Variants in GLCCI1 observed in about 807,000 individuals in gnomAD.
The protein encoded by GLCCI1 is glucocorticoid induced 1.
Under a neutral mutation model 52.2 loss-of-function variants are expected in GLCCI1, and 24 were observed. The observed-to-expected ratio is 0.46, with a 90% CI of 0.33 to 0.65. The LOEUF is 0.65. GLCCI1 is among the 30% of genes least tolerant of loss of function. GLCCI1 has a pLI of 0.02. For synonymous variants in GLCCI1, 310 were observed against 276.5 expected, an observed-to-expected ratio of 1.12 and a Z score of -1.20; for missense variants, 704 against 701.5, an observed-to-expected ratio of 1.00 and a Z score of -0.04.
chr7:8,054,238 T>C (rs896490904), intron 3 of GLCCI1, among the ~76,000 whole-genome samples: 1 of 152,144 alleles, frequency 6.6e-6, no homozygotes, highest in African/African-American at 2.4e-5. Context: ...TACCTACAAA[T>C]TTTGATTCAT....
chr7:8,065,836 C>G (rs906577520), intron 5 of GLCCI1, among the ~76,000 whole-genome samples: 3 of 152,126 alleles, frequency 2.0e-5, no homozygotes, highest in African/African-American at 7.2e-5. Flanking sequence ...CTATTTTTAT[C>G]AAGGATATTC....
intron 1 of GLCCI1, among the ~76,000 whole-genome samples, chr7:8,002,838 A>T (rs1781074769): frequency 6.7e-6 from 1 of 149,294 alleles, no homozygotes; most frequent in African/African-American, 2.5e-5. Flanking sequence ...TTTGGTGTTC[A>T]GTGTGATTAA....
intron 3 of GLCCI1, among the ~76,000 whole-genome samples, chr7:8,051,470 G>C (rs1782256774): frequency 6.6e-6 from 1 of 152,132 alleles, no homozygotes; most frequent in Non-Finnish European, 1.5e-5. Context: ...AAGAATTTTT[G>C]CCTCTTTTGA....
chr7:8,017,549 CAT>C (rs1357145367), intron 2 of GLCCI1, among the ~76,000 whole-genome samples: 2 of 152,106 alleles, frequency 1.3e-5, no homozygotes, highest in African/African-American at 2.4e-5. Flanking sequence ...GCTTTTCTAA[CAT>C]GTGATGATGC....
At chr7:8,043,516 GA>G (rs1402636903) in intron 3 of GLCCI1, among the ~76,000 whole-genome samples, 2 of 152,170 alleles carry the variant, frequency 1.3e-5, no homozygotes, top group African/African-American at 4.8e-5. Flanking sequence ...CAAAATTGCA[GA>G]AAAGGCAAAT....
intron 5 of GLCCI1, among the ~76,000 whole-genome samples, chr7:8,061,691 G>C (rs1490314658): frequency 2.8e-5 from 3 of 107,300 alleles, no homozygotes; most frequent in South Asian, 5.8e-4. Context: ...TTTTGAGACA[G>C]GGTCTCGTTC....
intron 1 of GLCCI1, among the ~76,000 whole-genome samples, chr7:7,978,638 CA>C (rs1309633386): frequency 1.3e-5 from 2 of 152,022 alleles, no homozygotes; most frequent in African/African-American, 4.8e-5. Context: ...GTTAGGAGAG[CA>C]AAAGTATTAT....
At chr7:7,978,617 TTG>T (rs1345513212) in intron 1 of GLCCI1, among the ~76,000 whole-genome samples, 5 of 152,150 alleles carry the variant, frequency 3.3e-5, no homozygotes. Context: ...ACATTAGAAA[TTG>T]TGTTTATTGT....
chr7:7,987,580 G>A (rs571940055), intron 1 of GLCCI1, among the ~76,000 whole-genome samples: 1 of 151,992 alleles, frequency 6.6e-6, no homozygotes, highest in South Asian at 2.1e-4. Flanking sequence ...ATCCTTTTGA[G>A]TTGACAGTCA....
intron 4 of GLCCI1, among the ~76,000 whole-genome samples, chr7:8,058,611 A>G (rs1247029910): frequency 6.6e-6 from 1 of 152,224 alleles, no homozygotes; most frequent in Non-Finnish European, 1.5e-5. Context: ...GGGAAATAAT[A>G]CTGAGACTTT....
At chr7:7,982,379 T>C (rs1303303759) in intron 1 of GLCCI1, among the ~76,000 whole-genome samples, 2 of 152,198 alleles carry the variant, frequency 1.3e-5, no homozygotes, top group Admixed American at 1.3e-4. Flanking sequence ...ATACTGATTA[T>C]ATAGGGCACT....
In GLCCI1 at chr7:8,051,038, A is replaced by G. The variant is rs139231365; in HGVS notation, c.697-4395A>G. 4.5e-3 allele frequency among the ~76,000 whole-genome samples: 683 copies of G among 152,310 alleles called. 1 individual carries two copies. The highest frequency in any genetic ancestry group is 0.016 in the African/African-American group (661 of 41,558). The stretch of plus-strand genomic sequence containing the variant: ...TTATTGTTAATTGACACAGTCATCA[A>G]ACTGGCCTATAATTACTCTTAATAA... On this transcript the variant is annotated intron_variant, in intron 3 of 7. Transcript: ENST00000223145.
chr7:7,975,973 T>G (rs1393302908), intron 1 of GLCCI1, among the ~76,000 whole-genome samples: 3 of 152,164 alleles, frequency 2.0e-5, no homozygotes, highest in African/African-American at 7.2e-5. Context: ...TTACATATGG[T>G]GCTAAACTGA....
At chr7:8,031,722 T>A (rs933690208) in intron 3 of GLCCI1, among the ~76,000 whole-genome samples, 3 of 150,788 alleles carry the variant, frequency 2.0e-5, no homozygotes, top group South Asian at 2.1e-4. Context: ...TAAATATTTT[T>A]AAAAAAACAA....
intron 4 of GLCCI1, 102 bp downstream of exon 4, chr7:8,055,651 T>G: frequency 1.4e-6 from 1 of 733,830 alleles, no homozygotes; most frequent in Non-Finnish European, 2.3e-6. Flanking sequence ...TATTTAGCTC[T>G]ACTAAATTAC....
chr7:7,969,800 G>A lies in GLCCI1; in HGVS notation c.450G>A (p.Val150=). 5 of 1,474,706 alleles carry A rather than the reference G, an allele frequency of 3.4e-6. No individual in the cohort carries two copies. Among genetic ancestry groups the A allele is most frequent in the Admixed American group, 2.2e-5 (1 of 45,590 alleles). 91.4% of individuals were successfully genotyped at this position (1,474,706 alleles called of 1,614,324 possible). Residue 150 remains valine, a synonymous_variant, in exon 1 of 8, where the codon GTG becomes GTA. Transcript: ENST00000223145. The surrounding 1 kb of genome is among the most constrained non-coding windows in gnomAD (Gnocchi z 4.9). Reference sequence around the variant, plus strand: ...AGAGACGGAGCCCCGGCTCGCCCGTGTGCAGAGGTAGCGAGCCCAACCCTC... The same window carrying A: ...AGAGACGGAGCCCCGGCTCGCCCGTATGCAGAGGTAGCGAGCCCAACCCTC... ...SPERRSPGSP[V]CRADKAKSQQ...
chr7:8,008,911 C>G (rs1441767701), intron 2 of GLCCI1, among the ~76,000 whole-genome samples: 1 of 151,174 alleles, frequency 6.6e-6, no homozygotes, highest in Non-Finnish European at 1.5e-5. Context: ...TTTTTTTTAA[C>G]TGTTCTGTTT....
intron 6 of GLCCI1, among the ~76,000 whole-genome samples, chr7:8,083,654 C>A (rs546248018): frequency 1.5e-5 from 2 of 136,210 alleles, no homozygotes; most frequent in African/African-American, 5.0e-5. Flanking sequence ...TAGGATCATA[C>A]ATAATAATGA....
At chr7:8,082,359 C>G (rs1334237686) in intron 6 of GLCCI1, among the ~76,000 whole-genome samples, 1 of 152,000 alleles carries the variant, frequency 6.6e-6, no homozygotes, top group Non-Finnish European at 1.5e-5. Flanking sequence ...AATGGCAATT[C>G]CTTTAATTAT....
Sources: gnomAD v4.1 joint callset for allele counts (sites outside exome capture counted in the v4.1 genomes callset) on GRCh38, gnomAD v4.1.1 for gene constraint, Gnocchi (gnomAD v3.1) non-coding constraint, MANE v1.5 for transcripts, NCBI Gene and HGNC (gene_info 2026-07-23, HGNC 2026-07-21) for gene names.